LRTM3: variants seen among roughly 807,000 people sequenced by gnomAD.
LRTM3 encodes leucine-rich repeat transmembrane protein 3.
chr13:102,731,388 T>C, the LRTM3 span: 3 of 1,551,456 alleles, frequency 1.9e-6, no homozygotes, highest in Non-Finnish European at 2.6e-6. Context: ...AAAGATTTCC[T>C]TGCCATCTCT....
the LRTM3 span, chr13:102,737,907 C>A: frequency 2.7e-5 from 42 of 1,550,824 alleles, no homozygotes; most frequent in Non-Finnish European, 3.7e-5. Context: ...AGAACTCTTT[C>A]CTGTTCATTC....
the LRTM3 span, chr13:102,735,718 C>A: frequency 6.4e-7 from 1 of 1,550,816 alleles, no homozygotes; most frequent in Non-Finnish European, 8.7e-7. Context: ...TGTAACCATG[C>A]AGTGACTCAG....
the LRTM3 span, chr13:102,744,505 A>G: frequency 6.4e-7 from 1 of 1,550,610 alleles, no homozygotes; most frequent in Middle Eastern, 1.7e-4. Flanking sequence ...CTTGCATATG[A>G]GGACTTTGTT....
chr13:102,735,100 G>A, the LRTM3 span: 1 of 1,551,186 alleles, frequency 6.4e-7, no homozygotes, highest in Non-Finnish European at 8.7e-7. Flanking sequence ...TAGACAACAT[G>A]ACACCTGGCC....
chr13:102,737,824 G>A, the LRTM3 span: 7 of 1,550,676 alleles, frequency 4.5e-6, no homozygotes, highest in South Asian at 1.2e-5. Flanking sequence ...TTCCTTGTTG[G>A]TCTTCCTCTC....
the LRTM3 span, among the ~76,000 whole-genome samples, chr13:102,750,744 C>A: frequency 3.9e-5 from 6 of 152,214 alleles, no homozygotes; most frequent in East Asian, 9.7e-4. Context: ...AGAAAACATT[C>A]TTATGGAAAT....
the LRTM3 span, chr13:102,743,487 G>A: frequency 2.6e-6 from 4 of 1,548,668 alleles, no homozygotes; most frequent in Non-Finnish European, 3.5e-6. Flanking sequence ...TTATGTATCT[G>A]TGAAATTGGT....
chr13:102,757,795 T>C, the LRTM3 span, among the ~76,000 whole-genome samples: 481 of 152,326 alleles, frequency 3.2e-3, 2 homozygotes, highest in African/African-American at 0.011. Flanking sequence ...CTTTCCTGTA[T>C]GTATACATCT....
the LRTM3 span, among the ~76,000 whole-genome samples, chr13:102,757,175 C>T: frequency 6.6e-6 from 1 of 152,184 alleles, no homozygotes; most frequent in African/African-American, 2.4e-5. Context: ...CTGTTTCCAA[C>T]TGGCCCTCAC....
the LRTM3 span, chr13:102,735,332 G>C: frequency 6.4e-7 from 1 of 1,551,206 alleles, no homozygotes. Flanking sequence ...TTCTCCATGG[G>C]TTGCTTCTGG....
chr13:102,743,720 G>A, the LRTM3 span: 1 of 1,549,212 alleles, frequency 6.5e-7, no homozygotes, highest in African/African-American at 1.4e-5. Flanking sequence ...TTTTAAATAG[G>A]ATTTACATTT....
chr13:102,750,322 A>C, the LRTM3 span: 4 of 1,545,546 alleles, frequency 2.6e-6, no homozygotes, highest in Non-Finnish European at 3.5e-6. Context: ...TTCTATCTTC[A>C]AAGTTACATT....
chr13:102,736,713 G>A, the LRTM3 span: 2 of 1,550,378 alleles, frequency 1.3e-6, no homozygotes, highest in African/African-American at 1.4e-5. Context: ...TTTAGTATAT[G>A]GGAAAGGGGT....
chr13:102,746,590 T>C, the LRTM3 span: 1 of 1,551,150 alleles, frequency 6.4e-7, no homozygotes, highest in Non-Finnish European at 8.7e-7. Flanking sequence ...TCACAGCCTT[T>C]GTATTTACAC....
chr13:102,744,056 C>T, the LRTM3 span: 4 of 1,550,554 alleles, frequency 2.6e-6, no homozygotes, highest in East Asian at 9.8e-5. Context: ...GGATGTTGTA[C>T]TCTTAGCATA....
chr13:102,742,519 GA>G, the LRTM3 span: 1 of 1,550,144 alleles, frequency 6.5e-7, no homozygotes, highest in Non-Finnish European at 8.7e-7. Flanking sequence ...GTATCTTAGA[GA>G]AAAAAACAGA....
At chr13:102,748,204 CA>C in the LRTM3 span, 1 of 1,551,122 alleles carries the variant, frequency 6.4e-7, no homozygotes, top group Non-Finnish European at 8.7e-7. Context: ...TATCTTGATG[CA>C]TATTTGTTAT....
At chr13:102,748,736 G>A in the LRTM3 span, 1 of 1,549,696 alleles carries the variant, frequency 6.5e-7, no homozygotes, top group Non-Finnish European at 8.7e-7. Flanking sequence ...GTCTTTAAGA[G>A]ATTCTTTACT....
chr13:102,735,621 G>A, the LRTM3 span: 2 of 1,551,048 alleles, frequency 1.3e-6, no homozygotes, highest in Non-Finnish European at 8.7e-7. Flanking sequence ...CATTTGGGGA[G>A]CATTTTGTCT....
Sources: allele counts gnomAD v4.1 joint callset (sites outside exome capture counted in the v4.1 genomes callset), GRCh38; gene constraint gnomAD v4.1.1; transcripts MANE v1.5; gene names NCBI Gene and HGNC (gene_info 2026-07-23, HGNC 2026-07-21).